Variants in SULF1 observed in about 807,000 individuals in gnomAD.
SULF1 encodes the protein extracellular sulfatase Sulf-1.
In SULF1, 46 loss-of-function variants were observed where a neutral mutation model predicts 110.5. That is an observed-to-expected ratio of 0.42 (90% confidence interval 0.33 to 0.53). The LOEUF (loss-of-function observed/expected upper bound fraction) is 0.53. SULF1 is among the 20% of genes least tolerant of loss of function. SULF1 has a pLI of 0.12. For synonymous variants in SULF1, 371 were observed against 387.1 expected (o/e 0.96, Z 0.49); for missense variants, 941 against 1,094.2 (o/e 0.86, Z 1.98).
intron 19 of SULF1, among the ~76,000 whole-genome samples, chr8:69,637,224 G>A (rs1811127158): frequency 6.6e-6 from 1 of 152,138 alleles, no homozygotes; most frequent in Non-Finnish European, 1.5e-5. Flanking sequence ...GCTGTAAGAG[G>A]ATCAGCTTCA....
intron 5 of SULF1, among the ~76,000 whole-genome samples, chr8:69,571,401 G>A (rs1468171053): frequency 6.6e-6 from 1 of 152,164 alleles, no homozygotes; most frequent in Non-Finnish European, 1.5e-5. Context: ...AACCAAAAAA[G>A]GATAAATGAC....
At chr8:69,507,417 T>C (rs1263924039) in intron 3 of SULF1, among the ~76,000 whole-genome samples, 1 of 152,190 alleles carries the variant, frequency 6.6e-6, no homozygotes, top group Non-Finnish European at 1.5e-5. Flanking sequence ...CAATGGCAAA[T>C]ATTCAATTTT....
intron 3 of SULF1, among the ~76,000 whole-genome samples, chr8:69,535,377 TA>T (rs1813365822): frequency 6.6e-6 from 1 of 152,158 alleles, no homozygotes; most frequent in South Asian, 2.1e-4. Context: ...GATCAGCCTT[TA>T]AAACAATCAC....
intron 3 of SULF1, among the ~76,000 whole-genome samples, chr8:69,512,439 G>A (rs891594930): frequency 4.6e-5 from 7 of 152,126 alleles, no homozygotes; most frequent in African/African-American, 9.7e-5. Context: ...AAGGACCATC[G>A]GTATGAGGAA....
intron 13 of SULF1, among the ~76,000 whole-genome samples, chr8:69,617,372 GCTATATATATAT>G (rs1809233834): frequency 1.6e-5 from 1 of 61,832 alleles, no homozygotes; most frequent in Non-Finnish European, 2.9e-5. Context: ...AGCATGCTTA[GCTATATATATAT>G]ATATATATAT....
intron 6 of SULF1, among the ~76,000 whole-genome samples, chr8:69,579,078 G>A (rs1313908494): frequency 6.7e-6 from 1 of 148,946 alleles, no homozygotes; most frequent in African/African-American, 2.5e-5. Flanking sequence ...GGAGAATGGC[G>A]TGTACCTGGG....
intron 15 of SULF1, 55 bp downstream of exon 15, chr8:69,624,252 C>T: frequency 1.3e-6 from 2 of 1,520,056 alleles, no homozygotes; most frequent in African/African-American, 1.4e-5. Flanking sequence ...CACCACAACA[C>T]ACCATATTAT....
Position 69,594,532 on chromosome 8 carries a change from C to T in SULF1, c.734+5391C>T, listed in dbSNP as rs182853212. Among the ~76,000 whole-genome samples the T allele has an allele frequency of 2.7e-3, 407 of 152,224 alleles. 4 individuals carry two copies. The highest frequency in any genetic ancestry group is 9.4e-3 in the African/African-American group (392 of 41,550). On this transcript the variant is annotated intron_variant, in intron 8 of 22. Transcript: ENST00000402687. ...TGTGAGGGTAGAGCTTTTGAATAAA[C>T]ATAGGTTGTCAAAGGAAAAACTCCC...
chr8:69,588,474 G>C (rs1449604663), intron 7 of SULF1, among the ~76,000 whole-genome samples: 1 of 152,086 alleles, frequency 6.6e-6, no homozygotes, highest in Admixed American at 6.6e-5. Flanking sequence ...ATCTTTTCTT[G>C]TGTTTATGTA....
chr8:69,488,562 C>T (rs150367688), upstream of SULF1, among the ~76,000 whole-genome samples: 72 of 151,756 alleles, frequency 4.7e-4, no homozygotes, highest in East Asian at 0.012. Flanking sequence ...AAAACTCCAA[C>T]GGATGGGCTG....
intron 3 of SULF1, among the ~76,000 whole-genome samples, chr8:69,505,221 T>C (rs1034468574): frequency 6.6e-6 from 1 of 152,144 alleles, no homozygotes; most frequent in African/African-American, 2.4e-5. Flanking sequence ...TTTCACAGCT[T>C]GGGGGAGATT....
Position 69,600,605 on chromosome 8 carries a change from C to T in SULF1, c.737C>T (p.Thr246Ile), listed in dbSNP as rs767609601. 3 of 1,603,516 alleles carry T rather than the reference C, an allele frequency of 1.9e-6. No individual in the cohort carries two copies. The African/African-American group carries it at 4.0e-5, about 21-fold the overall frequency. ...KLYPNASQHI[T>I]PSYNYAPNMD... is the part of the protein sequence containing the mutation. ...GATTCCTTTCTGGATATTTTCAGAA[C>T]TCCTAGTTATAACTATGCACCAAAT... Residue 246 changes from threonine to isoleucine, a missense_variant and splice_region_variant, in exon 9 of 23, where the codon ACT becomes ATT. This residue lies in a region of SULF1 where 822 missense variants were observed against 934.3 expected (regional missense o/e 0.88). Coordinates refer to ENST00000402687, the MANE Select transcript of SULF1 (RefSeq NM_001128205.2).
intron 3 of SULF1, among the ~76,000 whole-genome samples, chr8:69,536,519 GATTGGCAAGAC>G (rs1173193059): frequency 6.6e-6 from 1 of 152,092 alleles, no homozygotes; most frequent in African/African-American, 2.4e-5. Context: ...TAACATCTTT[GATTGGCAAGAC>G]ATTCTGCTTC....
intron 3 of SULF1, among the ~76,000 whole-genome samples, chr8:69,547,844 C>T (rs1262618269): frequency 1.3e-5 from 2 of 152,006 alleles, no homozygotes; most frequent in East Asian, 3.9e-4. Flanking sequence ...AAATGTTTCT[C>T]GAAGTTAGAA....
rs897764883 is a variant in SULF1 at position 69,629,601 on chromosome 8, G to C, written c.2206G>C (p.Gly736Arg). The change falls in exon 19 of 23, where the codon GGG (glycine) becomes CGG (arginine). Residue 736 changes from glycine to arginine, a missense_variant. Gly to Arg is a moderately radical substitution (Grantham distance 125). Transcript: ENST00000402687. Reference sequence around the variant, plus strand: ...GAAGGAGAAGAGACGGCAGAGGAAGGGGGAAGAGTGCAGCCTGCCTGGCCT... The same window carrying C: ...GAAGGAGAAGAGACGGCAGAGGAAGCGGGAAGAGTGCAGCCTGCCTGGCCT... Reference protein sequence around the residue: ...ERKEKRRQRKGEECSLPGLTC... With the variant: ...ERKEKRRQRKREECSLPGLTC... The C allele has an allele frequency of 3.7e-6, 6 of 1,613,868 alleles. No homozygotes were observed. The African/African-American group carries it at 8.0e-5, about 22-fold the overall frequency.
In SULF1 at chr8:69,658,583, T is replaced by C. The variant is rs1419973158; in HGVS notation, c.*48T>C. 16 of 1,516,154 alleles carry C rather than the reference T, an allele frequency of 1.1e-5. No homozygotes were observed. Among genetic ancestry groups the C allele is most frequent in the Non-Finnish European group, 1.4e-5 (15 of 1,090,884 alleles). The allele number at this position is 1,516,154 out of a possible 1,614,324, so 93.9% of individuals were successfully genotyped here. A position where few individuals can be genotyped will look rare whatever the true frequency, so the allele number is the denominator to read the frequency against. ...ATCAACTGGCAAGGCCTAGAGGAGC[T>C]ACACAGTGTGAATGAAAACATCTAT... On this transcript the variant is annotated 3_prime_UTR_variant, in exon 23 of 23. Transcript: ENST00000402687.
At position 69,589,071 on chromosome 8, in the gene SULF1, G is replaced by A. The variant is rs561821873; in HGVS notation, c.664G>A (p.Ala222Thr). The A allele has an allele frequency of 3.0e-4, 479 of 1,614,128 alleles. 2 individuals carry two copies. In the South Asian group the frequency reaches 4.3e-3, roughly 15 times the overall value. Residue 222 changes from alanine to threonine, a missense_variant, in exon 8 of 23, where the codon GCT becomes ACT. Around this residue, in one of 3 missense-constraint regions of SULF1, gnomAD observed 822 missense variants for 934.3 expected, o/e 0.88. Transcript: ENST00000402687. ...GCCCGTTATGATGGTGATCAGCCAC[G>A]CTGCGCCCCACGGCCCCGAGGACTC... The part of the protein sequence containing the change: ...HRPVMMVISH[A>T]APHGPEDSAP...
chr8:69,557,149 T>G (rs1433972676), intron 3 of SULF1, among the ~76,000 whole-genome samples: 8 of 152,222 alleles, frequency 5.3e-5, no homozygotes, highest in Admixed American at 4.6e-4. Context: ...CCACTTTACC[T>G]GAAGTTTCCA....
chr8:69,521,811 T>C (rs1412852720), intron 3 of SULF1, among the ~76,000 whole-genome samples: 10 of 149,700 alleles, frequency 6.7e-5, no homozygotes. Flanking sequence ...CTATCTATCA[T>C]GTTGTGGGTA....
Sources: allele counts gnomAD v4.1 joint callset (sites outside exome capture counted in the v4.1 genomes callset), GRCh38; gene constraint gnomAD v4.1.1; regional missense constraint gnomAD v4.1.1; transcripts MANE v1.5; gene names NCBI Gene and HGNC (gene_info 2026-07-23, HGNC 2026-07-21).